FAM83A: variants seen among roughly 807,000 people sequenced by gnomAD.
FAM83A encodes scaffolding CK1 anchoring protein A.
FAM83A carries 21 observed loss-of-function variants against 24.4 expected under a neutral mutation model. The observed-to-expected ratio is 0.86, with a 90% confidence interval of 0.61 to 1.24. The LOEUF is 1.24. FAM83A is among the 50% of genes most tolerant of loss of function. The pLI is 0.00. For synonymous variants in FAM83A, 270 were observed against 252.4 expected (o/e 1.07, Z -0.66); for missense variants, 617 against 579.8 (o/e 1.06, Z -0.66).
chr8:123,188,767 G>A (rs1396542398), intron 1 of FAM83A, among the ~76,000 whole-genome samples: 2 of 152,230 alleles, frequency 1.3e-5, no homozygotes, highest in East Asian at 1.9e-4. Flanking sequence ...ATAGGCATAA[G>A]CCACCGTGCC....
chr8:123,186,157 C>A (rs748653071), intron 1 of FAM83A, among the ~76,000 whole-genome samples: 2 of 152,060 alleles, frequency 1.3e-5, no homozygotes, highest in Non-Finnish European at 2.9e-5. Flanking sequence ...TTTGAGATCA[C>A]CAATAATTTT....
At chr8:123,204,249 C>T (rs1477671438) in intron 3 of FAM83A, among the ~76,000 whole-genome samples, 1 of 151,828 alleles carries the variant, frequency 6.6e-6, no homozygotes, top group Non-Finnish European at 1.5e-5. Flanking sequence ...CCCATCTCTG[C>T]CCCCAAAAAA....
intron 3 of FAM83A, chr8:123,199,786 A>G (rs182050264): frequency 6.5e-6 from 1 of 153,830 alleles, no homozygotes; most frequent in Admixed American, 6.5e-5. Context: ...AAAGTATACT[A>G]ATTTTTTTAT....
intron 3 of FAM83A, among the ~76,000 whole-genome samples, chr8:123,200,462 G>A (rs1824311881): frequency 6.6e-6 from 1 of 152,232 alleles, no homozygotes; most frequent in Non-Finnish European, 1.5e-5. Flanking sequence ...CTGGGCAGGG[G>A]CAGGAGGAAG....
At chr8:123,202,331 C>G (rs1824390131) in intron 3 of FAM83A, 1 of 153,044 alleles carries the variant, frequency 6.5e-6, no homozygotes, top group African/African-American at 2.4e-5. Flanking sequence ...TCATGCCCTC[C>G]GTCGGAGAGC....
chr8:123,188,632 C>A (rs994665687), intron 1 of FAM83A, among the ~76,000 whole-genome samples: 1 of 151,984 alleles, frequency 6.6e-6, no homozygotes, highest in African/African-American at 2.4e-5. Flanking sequence ...TACAGGCGTG[C>A]GCCACCACAC....
intron 3 of FAM83A, among the ~76,000 whole-genome samples, chr8:123,196,385 T>C (rs1190134083): frequency 1.3e-5 from 2 of 152,246 alleles, no homozygotes; most frequent in African/African-American, 4.8e-5. Context: ...GTTATTGTGA[T>C]TGCTGATGTA....
chr8:123,184,601 A>C (rs571126497), intron 1 of FAM83A, among the ~76,000 whole-genome samples: 8 of 152,178 alleles, frequency 5.3e-5, no homozygotes, highest in Non-Finnish European at 1.2e-4. Context: ...CTCCACCCTC[A>C]AGTGATATCC....
At chr8:123,197,998 C>CA (rs1200734500) in intron 3 of FAM83A, among the ~76,000 whole-genome samples, 1 of 152,162 alleles carries the variant, frequency 6.6e-6, no homozygotes, top group African/African-American at 2.4e-5. Context: ...GGCATGGTGA[C>CA]AAGCACCTGT....
chr8:123,203,300 C>T (rs947235774), intron 3 of FAM83A, among the ~76,000 whole-genome samples: 2 of 151,046 alleles, frequency 1.3e-5, no homozygotes, highest in East Asian at 3.9e-4. Context: ...CATTGAAAGA[C>T]ATCTTGGCTG....
At chr8:123,207,003 C>T (rs1474507765) in intron 3 of FAM83A, among the ~76,000 whole-genome samples, 154 bp from the exon 4 acceptor site, 1 of 128,090 alleles carries the variant, frequency 7.8e-6, no homozygotes, top group East Asian at 2.8e-4. Context: ...CCCCTCCCCT[C>T]CTCCTCTTCC....
Position 123,196,899 on chromosome 8 carries a change from T to G in FAM83A, c.773+2751T>G, listed in dbSNP as rs139509888. On this transcript the variant is annotated intron_variant, in intron 3 of 3. Coordinates refer to ENST00000690554, the Ensembl canonical transcript of FAM83A. ...TCTGGCTTTCATGGGTCCACAGGCC[T>G]GTTGTTTAGCTACTTTTCCTGGTTC... is the stretch of plus-strand genomic sequence containing the variant. Among the ~76,000 whole-genome samples, 436 of 152,336 alleles carry G rather than the reference T, an allele frequency of 2.9e-3. 1 individual carries two copies. Among genetic ancestry groups the G allele is most frequent in the African/African-American group, 0.01 (419 of 41,572 alleles).
At chr8:123,203,586 CAAAAAAAAAA>C (rs1187426797) in intron 3 of FAM83A, among the ~76,000 whole-genome samples, 960 of 41,198 alleles carry the variant, frequency 0.023, 14 homozygotes, top group African/African-American at 0.062. Context: ...AGATCTGTCT[CAAAAAAAAAA>C]AAAAAAAAAA....
At chr8:123,200,547 C>T (rs559504288) in intron 3 of FAM83A, among the ~76,000 whole-genome samples, 29 of 152,166 alleles carry the variant, frequency 1.9e-4, no homozygotes, top group African/African-American at 5.1e-4. Context: ...CCAGGTGTGG[C>T]GGCTCATGCC....
At chr8:123,182,274 C>T (rs534375830), upstream of FAM83A, 8 of 376,690 alleles carry the variant, frequency 2.1e-5, no homozygotes, top group Non-Finnish European at 4.3e-5. Context: ...GTCAACAGCT[C>T]TCCCTGGCCC....
At chr8:123,207,110 A>T in intron 3 of FAM83A, 47 bp from the exon 4 acceptor site, 1 of 410,962 alleles carries the variant, frequency 2.4e-6, no homozygotes, top group South Asian at 9.5e-5. Flanking sequence ...TCCCCTCCCC[A>T]TCCTTCCCCC....
At chr8:123,208,457 C>G in exon 4 of FAM83A, 1 of 985,466 alleles carries the variant, frequency 1.0e-6, no homozygotes, top group Non-Finnish European at 1.2e-6. Flanking sequence ...CTTGAGTTGT[C>G]AGGGGCCAGG....
chr8:123,207,603 C>A (rs376998427), exon 4 of FAM83A: 2 of 1,566,628 alleles, frequency 1.3e-6, no homozygotes, highest in Non-Finnish European at 1.7e-6. Context: ...TACAGGCCCA[C>A]GCGGCTGCAG....
rs140667630 is a variant in FAM83A at position 123,190,112 on chromosome 8, A to G, written c.481-1691A>G. 3.9e-3 allele frequency among the ~76,000 whole-genome samples: 593 copies of G among 152,138 alleles called. 4 individuals carry two copies. The highest frequency in any genetic ancestry group is 0.014 in the African/African-American group (567 of 41,490). On this transcript the variant is annotated intron_variant, in intron 1 of 3. Transcript: ENST00000690554. ...GAGGCTGAGGCTTAAGGATTGCTTA[A>G]GCCCAACAGTTCGAGACCAGCCTGG...
Sources: allele counts gnomAD v4.1 joint callset (sites outside exome capture counted in the v4.1 genomes callset), GRCh38; gene constraint gnomAD v4.1.1; transcripts MANE v1.5; gene names NCBI Gene and HGNC (gene_info 2026-07-23, HGNC 2026-07-21).